Variants in STK26 observed in about 807,000 individuals in gnomAD.
The protein encoded by STK26 is serine/threonine kinase 26.
Under a neutral mutation model 34.7 loss-of-function variants are expected in STK26, and 14 were observed. That is an observed-to-expected ratio of 0.40 (90% confidence interval 0.27 to 0.63). STK26 has a LOEUF of 0.63. STK26 is among the 30% of genes least tolerant of loss of function. The probability of loss-of-function intolerance (pLI) is 0.38; values close to 1 mark genes in which losing one functional copy is unlikely to be tolerated. For synonymous variants in STK26, 100 were observed against 109.8 expected (o/e 0.91, Z 0.56); for missense variants, 226 against 309.1 (o/e 0.73, Z 2.02).
In STK26 at chrX:132,068,396, CT is replaced by C. The variant is rs1569336080; in HGVS notation, c.440-9del. The C allele has an allele frequency of 1.7e-6, 2 of 1,195,597 alleles. No individual in the cohort carries two copies. The highest frequency in any genetic ancestry group is 1.8e-5 in the South Asian group (1 of 54,442). On this transcript the variant is annotated splice_polypyrimidine_tract_variant and intron_variant, in intron 5 of 11. Transcript: ENST00000394334. ...GCAAGCTGAGTTTTTTTTTGCTTTTCTTTTTTTCCTCCTAGCTGCCAATGTC... is the reference window on the plus strand; with the variant it reads ...GCAAGCTGAGTTTTTTTTTGCTTTTCTTTTTTCCTCCTAGCTGCCAATGTC...
intron 3 of STK26, among the ~76,000 whole-genome samples, chrX:132,058,267 T>C (rs138980529): frequency 1.0e-4 from 11 of 110,213 alleles, no homozygotes; most frequent in African/African-American, 3.6e-4. Context: ...TGTGTGTGTG[T>C]GTGTGTGTGT....
At chrX:132,040,359 G>A (rs1157213606) in intron 2 of STK26, among the ~76,000 whole-genome samples, 4 of 112,409 alleles carry the variant, frequency 3.6e-5, no homozygotes, top group Non-Finnish European at 7.5e-5. Flanking sequence ...TAACTGACTT[G>A]CCTATTGGTT....
chrX:132,062,196 A>G (rs1488709316), intron 3 of STK26, among the ~76,000 whole-genome samples: 4 of 112,283 alleles, frequency 3.6e-5, no homozygotes, highest in African/African-American at 6.5e-5. Flanking sequence ...GGCTGCTGCC[A>G]GTATAGTAAA....
chrX:132,068,491 G>A lies in STK26; in HGVS notation c.519G>A (p.Gln173=). ...FGVAGQLTDT[Q]IKRNTFVGTP... ...TTGCTGGTCAGCTGACAGATACACA[G>A]ATTAAAAGAAATACCTTTGTGGGAA... is the stretch of plus-strand genomic sequence containing the variant. Residue 173 remains glutamine, a synonymous_variant, in exon 6 of 12, where the codon CAG becomes CAA. Transcript: ENST00000394334. The A allele has an allele frequency of 8.3e-7, 1 of 1,210,845 alleles. No homozygotes were observed. The highest frequency in any genetic ancestry group is 1.1e-6 in the Non-Finnish European group (1 of 895,015).
chrX:132,043,237 A>G (rs770081672), intron 2 of STK26, among the ~76,000 whole-genome samples: 1 of 112,052 alleles, frequency 8.9e-6, no homozygotes, highest in Non-Finnish European at 1.9e-5. Flanking sequence ...GATATTTGCT[A>G]TAAGGGGCTG....
intron 2 of STK26, among the ~76,000 whole-genome samples, chrX:132,027,585 A>G (rs1331957492): frequency 8.9e-6 from 1 of 111,765 alleles, no homozygotes; most frequent in East Asian, 2.8e-4. Flanking sequence ...ATCTTTGAGA[A>G]CAGGATAAAG....
chrX:132,053,197 A>C (rs1376971450), intron 2 of STK26, among the ~76,000 whole-genome samples: 1 of 112,086 alleles, frequency 8.9e-6, no homozygotes, highest in Non-Finnish European at 1.9e-5. Context: ...CCATGTGGGT[A>C]CTGGAGGTGG....
rs867611553 is a variant in STK26, at chrX:132,044,792, T to G, written c.43-9839T>G. Among the ~76,000 whole-genome samples, 173 of 37,246 alleles carry G rather than the reference T, an allele frequency of 4.6e-3. 10 individuals carry two copies. The highest frequency in any genetic ancestry group is 0.011 in the African/African-American group (80 of 7,312). 32.3% of individuals were successfully genotyped at this position (37,246 alleles called of 115,157 possible). On this transcript the variant is annotated intron_variant, in intron 2 of 11. Coordinates refer to ENST00000394334, the MANE Select transcript of STK26 (RefSeq NM_016542.4). ...AGAGAGATCTATATATATATTTATATATATAGAGAGAGATCTATATATATA... is the reference window on the plus strand; with the variant it reads ...AGAGAGATCTATATATATATTTATAGATATAGAGAGAGATCTATATATATA...
chrX:132,038,063 T>A (rs1926128647), intron 2 of STK26, among the ~76,000 whole-genome samples: 1 of 110,569 alleles, frequency 9.0e-6, no homozygotes, highest in Non-Finnish European at 1.9e-5. Flanking sequence ...GAGGCTGCGA[T>A]GTAAACCCTG....
At chrX:132,070,549 G>A (rs1259655427) in intron 7 of STK26, among the ~76,000 whole-genome samples, 2 of 112,130 alleles carry the variant, frequency 1.8e-5, no homozygotes, top group Non-Finnish European at 3.8e-5. Context: ...ACATTCTCAT[G>A]TTAATAAAAT....
chrX:132,053,890 T>C (rs1926768925), intron 2 of STK26, among the ~76,000 whole-genome samples: 2 of 112,403 alleles, frequency 1.8e-5, no homozygotes, highest in Middle Eastern at 4.6e-3. Context: ...TAAATCTACG[T>C]CATGCCTATA....
At chrX:132,037,812 A>G (rs1926116944) in intron 2 of STK26, among the ~76,000 whole-genome samples, 1 of 85,292 alleles carries the variant, frequency 1.2e-5, no homozygotes, top group Non-Finnish European at 2.2e-5. Context: ...TCTCTTCATG[A>G]AAAATGGTGA....
intron 2 of STK26, among the ~76,000 whole-genome samples, chrX:132,028,031 G>GTTTTTT (rs546393727): frequency 3.8e-5 from 3 of 78,348 alleles, no homozygotes; most frequent in Non-Finnish European, 7.1e-5. Flanking sequence ...AATTTTTATG[G>GTTTTTT]TTTTTTTTTT....
intron 2 of STK26, among the ~76,000 whole-genome samples, chrX:132,034,708 A>G (rs914905095): frequency 7.2e-5 from 8 of 111,658 alleles, no homozygotes; most frequent in Non-Finnish European, 1.5e-4. Context: ...GGAAGATTGC[A>G]TTAGGCTGTT....
At chrX:132,065,307 C>T (rs1042721409) in intron 4 of STK26, among the ~76,000 whole-genome samples, 2 of 111,897 alleles carry the variant, frequency 1.8e-5, no homozygotes, top group African/African-American at 6.5e-5. Context: ...AGAAGCCTCT[C>T]AATTGTTTCA....
intron 3 of STK26, among the ~76,000 whole-genome samples, chrX:132,059,780 A>G (rs1926985572): frequency 9.0e-6 from 1 of 110,901 alleles, no homozygotes; most frequent in Admixed American, 9.6e-5. Context: ...CATCACCAGT[A>G]TTTATGAAAA....
chrX:132,055,324 C>T, intron 3 of STK26: 1 of 599,185 alleles, frequency 1.7e-6, no homozygotes, highest in Non-Finnish European at 2.6e-6. Flanking sequence ...CTTAACCAGT[C>T]CTGGTACTTA....
At chrX:132,067,608 C>G (rs1186316732) in intron 4 of STK26, among the ~76,000 whole-genome samples, 2 of 111,218 alleles carry the variant, frequency 1.8e-5, no homozygotes, top group Non-Finnish European at 3.8e-5. Flanking sequence ...AACATTATCC[C>G]TCCATGATTT....
rs1935094381 is a variant in STK26 at position 132,026,104 on chromosome X, A to C, written c.42+2445A>C. ...GAAAAATGATTTTTCCAGAAATACA[A>C]AGAAAATTACTTTATCCACAATTAT... On this transcript the variant is annotated intron_variant, in intron 2 of 11. Transcript: ENST00000394334. 3.6e-5 allele frequency among the ~76,000 whole-genome samples: 4 copies of C among 112,179 alleles called. No homozygotes were observed. In the South Asian group the frequency reaches 1.5e-3, roughly 42 times the overall value.
Sources: allele counts gnomAD v4.1 joint callset (sites outside exome capture counted in the v4.1 genomes callset), GRCh38; gene constraint gnomAD v4.1.1; transcripts MANE v1.5; gene names NCBI Gene and HGNC (gene_info 2026-07-23, HGNC 2026-07-21).